Variants in TRIM44 observed in about 807,000 individuals in gnomAD.
TRIM44 encodes tripartite motif-containing protein 44.
A neutral mutation model predicts 37.4 loss-of-function variants in TRIM44; 13 were observed. That is an observed-to-expected ratio of 0.35 (90% CI 0.23 to 0.55). The LOEUF (loss-of-function observed/expected upper bound fraction) is 0.55. Among genes scored for constraint, TRIM44 ranks in the 20% least tolerant of loss-of-function variants. The probability of loss-of-function intolerance (pLI) is 0.89; values close to 1 mark genes in which losing one functional copy is unlikely to be tolerated. For synonymous variants in TRIM44, 175 were observed against 157.2 expected, an observed-to-expected ratio of 1.11 and a Z score of -0.85; for missense variants, 426 against 437.2, an observed-to-expected ratio of 0.97 and a Z score of 0.23.
intron 4 of TRIM44, among the ~76,000 whole-genome samples, chr11:35,772,734 G>A (rs1030866356): frequency 6.6e-6 from 1 of 152,204 alleles, no homozygotes; most frequent in Non-Finnish European, 1.5e-5. Context: ...TATCTAGGAA[G>A]TAACTAAATT....
intron 3 of TRIM44, 39 bp downstream of exon 3, chr11:35,726,202 T>C (rs768904091): frequency 4.4e-6 from 7 of 1,604,982 alleles, no homozygotes; most frequent in South Asian, 1.1e-5. Context: ...GCAAGAGAAA[T>C]AGGAGGAAAC....
rs760139890 is a variant in TRIM44 at position 35,663,209 on chromosome 11, G to T, written c.98G>T (p.Cys33Phe). Residue 33 changes from cysteine (C) to phenylalanine (F), a missense_variant, in exon 1 of 5, where the codon TGC becomes TTC. Coordinates refer to ENST00000299413, the MANE Select transcript of TRIM44 (RefSeq NM_017583.6). Reference protein sequence around the residue: ...PDEAPGAEEVCRECGFCYCRR... With the variant: ...PDEAPGAEEVFRECGFCYCRR... ...GAGGCTCCGGGGGCCGAGGAAGTGT[G>T]CCGAGAATGCGGCTTCTGCTACTGC... 6.2e-7 allele frequency: 1 copy of T among 1,601,942 alleles called. No individual in the cohort carries two copies. Among genetic ancestry groups the T allele is most frequent in the South Asian group, 1.1e-5 (1 of 89,334 alleles).
intron 4 of TRIM44, among the ~76,000 whole-genome samples, chr11:35,754,456 C>T (rs1025241537): frequency 6.6e-6 from 1 of 152,122 alleles, no homozygotes; most frequent in African/African-American, 2.4e-5. Context: ...CATTTAGTTG[C>T]CTCTTCTTCC....
In TRIM44 at chr11:35,756,179, A is replaced by G. The variant is rs1326818226; in HGVS notation, c.1007+20734A>G. 2.0e-5 allele frequency among the ~76,000 whole-genome samples: 3 copies of G among 151,910 alleles called. No individual in the cohort carries two copies. The East Asian group carries it at 5.8e-4, about 29-fold the overall frequency. The stretch of plus-strand genomic sequence containing the variant: ...ATTTGTTTGTATCCTCTTTTATTTC[A>G]TTGAGCAGTGGTTTGTAGTTCTCCT... On this transcript the variant is annotated intron_variant, in intron 4 of 4. Coordinates refer to ENST00000299413, the MANE Select transcript of TRIM44 (RefSeq NM_017583.6).
intron 4 of TRIM44, among the ~76,000 whole-genome samples, chr11:35,759,771 T>A (rs1320686120): frequency 6.6e-6 from 1 of 152,214 alleles, no homozygotes; most frequent in East Asian, 1.9e-4. Flanking sequence ...CTCCAGACCC[T>A]GTTTGCCTGG....
At chr11:35,800,476 A>G (rs919642191) in intron 4 of TRIM44, among the ~76,000 whole-genome samples, 2 of 152,134 alleles carry the variant, frequency 1.3e-5, no homozygotes, top group Non-Finnish European at 2.9e-5. Flanking sequence ...CAGAGTGCTG[A>G]TTGGTGTGTT....
intron 1 of TRIM44, among the ~76,000 whole-genome samples, chr11:35,674,561 A>G (rs2135485328): frequency 6.6e-6 from 1 of 152,352 alleles, no homozygotes; most frequent in Admixed American, 6.5e-5. Flanking sequence ...GTTTTTGGTA[A>G]GGTAATAATT....
intron 4 of TRIM44, among the ~76,000 whole-genome samples, chr11:35,761,405 C>CTATATA (rs1554935236): frequency 1.5e-4 from 22 of 150,388 alleles, no homozygotes; most frequent in East Asian, 1.4e-3. Context: ...CTCTCTCTCT[C>CTATATA]TATATATATA....
intron 4 of TRIM44, among the ~76,000 whole-genome samples, chr11:35,784,626 A>G (rs1195552581): frequency 1.3e-5 from 2 of 152,254 alleles, no homozygotes; most frequent in African/African-American, 4.8e-5. Context: ...ATGTATATGT[A>G]TGTGTGTATA....
chr11:35,746,307 C>G (rs1852489921), intron 4 of TRIM44, among the ~76,000 whole-genome samples: 1 of 152,174 alleles, frequency 6.6e-6, no homozygotes, highest in African/African-American at 2.4e-5. Context: ...TGGACAGCCA[C>G]AGCAAAATTG....
chr11:35,724,327 A>C (rs1852142742), intron 2 of TRIM44: 1 of 152,232 alleles, frequency 6.6e-6, no homozygotes, highest in African/African-American at 2.4e-5. Context: ...ACAGAGCACC[A>C]GACTGAGAAC....
chr11:35,671,433 C>G (rs1280763340), intron 1 of TRIM44, among the ~76,000 whole-genome samples: 1 of 152,168 alleles, frequency 6.6e-6, no homozygotes, highest in Non-Finnish European at 1.5e-5. Flanking sequence ...CAATGCTTAA[C>G]ACATTGTTAG....
chr11:35,759,014 T>C (rs1417520046), intron 4 of TRIM44, among the ~76,000 whole-genome samples: 1 of 152,230 alleles, frequency 6.6e-6, no homozygotes, highest in Non-Finnish European at 1.5e-5. Flanking sequence ...CTTTGTGGCA[T>C]TCTCTGTATT....
At chr11:35,702,162 T>C (rs1455219401) in intron 2 of TRIM44, among the ~76,000 whole-genome samples, 1 of 152,224 alleles carries the variant, frequency 6.6e-6, no homozygotes, top group Non-Finnish European at 1.5e-5. Flanking sequence ...TAGCACTCAA[T>C]ATTGAACTGG....
At chr11:35,720,714 C>G (rs534535750) in intron 2 of TRIM44, among the ~76,000 whole-genome samples, 2 of 152,000 alleles carry the variant, frequency 1.3e-5, no homozygotes, top group Non-Finnish European at 2.9e-5. Flanking sequence ...AGCTCCCCCC[C>G]ACCCCATTCC....
At chr11:35,750,998 A>G (rs533297007) in intron 4 of TRIM44, among the ~76,000 whole-genome samples, 171 of 151,898 alleles carry the variant, frequency 1.1e-3, no homozygotes, top group Non-Finnish European at 2.0e-3. Flanking sequence ...AATAAGTTTT[A>G]TGTTCTTTTT....
At chr11:35,806,324 T>C in intron 4 of TRIM44, 34 bp from the exon 5 acceptor site, 4 of 1,613,406 alleles carry the variant, frequency 2.5e-6, no homozygotes, top group South Asian at 1.1e-5. Flanking sequence ...TCTTGTGATA[T>C]CTTAACTCAC....
intron 4 of TRIM44, among the ~76,000 whole-genome samples, chr11:35,739,756 T>C (rs1280718066): frequency 5.3e-5 from 8 of 152,116 alleles, no homozygotes; most frequent in Non-Finnish European, 1.2e-4. Flanking sequence ...CACAGTCATA[T>C]AGCTGGCAAG....
chr11:35,668,609 A>G (rs754432843), intron 1 of TRIM44, among the ~76,000 whole-genome samples: 8 of 152,236 alleles, frequency 5.3e-5, no homozygotes, highest in Non-Finnish European at 1.0e-4. Flanking sequence ...TATCCAGTCT[A>G]TCACTGATGG....
Sources: allele counts gnomAD v4.1 joint callset (sites outside exome capture counted in the v4.1 genomes callset), GRCh38; gene constraint gnomAD v4.1.1; transcripts MANE v1.5; gene names NCBI Gene and HGNC (gene_info 2026-07-23, HGNC 2026-07-21).